Variants in CNTNAP2 observed in about 807,000 individuals in gnomAD.
The protein encoded by CNTNAP2 is contactin-associated protein-like 2.
In CNTNAP2, 98 loss-of-function variants were observed where a neutral mutation model predicts 155.2. The ratio of observed to expected loss-of-function variants is 0.63; its 90% CI spans 0.54 to 0.75. CNTNAP2 has a LOEUF of 0.75. Among genes scored for constraint, CNTNAP2 ranks in the 30% least tolerant of loss-of-function variants. The pLI is 0.00. For synonymous variants in CNTNAP2, 651 were observed against 631.2 expected (o/e 1.03, Z -0.47); for missense variants, 1,727 against 1,688.1 (o/e 1.02, Z -0.40).
chr7:147,406,877 A>G (rs1797013282), intron 10 of CNTNAP2, among the ~76,000 whole-genome samples: 1 of 152,212 alleles, frequency 6.6e-6, no homozygotes, highest in Admixed American at 6.5e-5. Flanking sequence ...TACAATTGTG[A>G]TCAGGGTAAA....
chr7:147,280,702 A>G (rs1252976316), intron 8 of CNTNAP2, among the ~76,000 whole-genome samples: 1 of 151,920 alleles, frequency 6.6e-6, no homozygotes, highest in Non-Finnish European at 1.5e-5. Context: ...TTATATTCAC[A>G]TTAACCTTAC....
chr7:148,317,998 C>G (rs191269108), intron 21 of CNTNAP2, among the ~76,000 whole-genome samples: 280 of 152,326 alleles, frequency 1.8e-3, no homozygotes, highest in Non-Finnish European at 3.4e-3. Flanking sequence ...GAGCTCATTT[C>G]TAAATCCATC....
chr7:146,366,573 C>G (rs1795159245), intron 1 of CNTNAP2, among the ~76,000 whole-genome samples: 1 of 151,924 alleles, frequency 6.6e-6, no homozygotes, highest in Non-Finnish European at 1.5e-5. Context: ...ATGATGGGCC[C>G]AAGAAGACCA....
At chr7:146,430,864 C>A (rs760746729) in intron 1 of CNTNAP2, among the ~76,000 whole-genome samples, 6 of 151,914 alleles carry the variant, frequency 3.9e-5, no homozygotes, top group Non-Finnish European at 5.9e-5. Flanking sequence ...TGAAATAATA[C>A]AGTTCAATTA....
At chr7:148,049,507 TA>T (rs142449697) in intron 15 of CNTNAP2, among the ~76,000 whole-genome samples, 1,707 of 152,230 alleles carry the variant, frequency 0.011, 36 homozygotes, top group African/African-American at 0.039. Flanking sequence ...TTAAAACTAG[TA>T]AAGTGAATGT....
At chr7:147,258,807 C>G (rs1804389689) in intron 8 of CNTNAP2, among the ~76,000 whole-genome samples, 1 of 152,190 alleles carries the variant, frequency 6.6e-6, no homozygotes, top group Non-Finnish European at 1.5e-5. Flanking sequence ...TAGACTAACC[C>G]ATGCTGTCTT....
intron 1 of CNTNAP2, among the ~76,000 whole-genome samples, chr7:146,300,212 A>G (rs1459461161): frequency 6.6e-6 from 1 of 152,208 alleles, no homozygotes; most frequent in Non-Finnish European, 1.5e-5. Flanking sequence ...AGAGTATAAA[A>G]TAATAAGAAT....
intron 20 of CNTNAP2, among the ~76,000 whole-genome samples, chr7:148,265,217 G>T (rs1796647023): frequency 6.6e-6 from 1 of 152,206 alleles, no homozygotes; most frequent in African/African-American, 2.4e-5. Context: ...TTGCTCCAAA[G>T]AAACATATAT....
At chr7:148,280,416 A>G (rs1257956819) in intron 21 of CNTNAP2, among the ~76,000 whole-genome samples, 1 of 152,244 alleles carries the variant, frequency 6.6e-6, no homozygotes. Flanking sequence ...ATTGTGCAGA[A>G]TCACATTTGC....
intron 22 of CNTNAP2, among the ~76,000 whole-genome samples, chr7:148,388,339 C>T (rs1799265391): frequency 7.0e-6 from 1 of 143,234 alleles, no homozygotes; most frequent in South Asian, 2.3e-4. Context: ...GTTCCCCTTC[C>T]TGTGTCCATG....
At chr7:146,427,581 C>T (rs557079841) in intron 1 of CNTNAP2, among the ~76,000 whole-genome samples, 2 of 152,266 alleles carry the variant, frequency 1.3e-5, no homozygotes, top group South Asian at 4.1e-4. Flanking sequence ...AAGAGCCATA[C>T]TGTGTTGATC....
At chr7:148,328,240 G>A (rs1446095553) in intron 21 of CNTNAP2, among the ~76,000 whole-genome samples, 1 of 152,180 alleles carries the variant, frequency 6.6e-6, no homozygotes, top group Admixed American at 6.5e-5. Context: ...GGGAAGGCTG[G>A]GGTGTGCCGG....
chr7:147,893,474 T>A (rs915985053), intron 13 of CNTNAP2, among the ~76,000 whole-genome samples: 1 of 152,202 alleles, frequency 6.6e-6, no homozygotes, highest in East Asian at 1.9e-4. Flanking sequence ...TGTTTCTTTA[T>A]AGATGTTCCC....
chr7:146,675,443 G>T (rs1486395695), intron 1 of CNTNAP2, among the ~76,000 whole-genome samples: 4 of 152,136 alleles, frequency 2.6e-5, no homozygotes, highest in Non-Finnish European at 4.4e-5. Context: ...CAAGTGACTT[G>T]CTCTATGACC....
chr7:146,932,855 A>AAAT (rs1796808619), intron 3 of CNTNAP2, among the ~76,000 whole-genome samples: 1 of 152,104 alleles, frequency 6.6e-6, no homozygotes, highest in Admixed American at 6.5e-5. Context: ...AAAGAAAAAA[A>AAAT]AATACCTAGG....
In CNTNAP2 at chr7:147,330,394, TA is replaced by T. The variant is rs1316875000; in HGVS notation, c.1498+30107del. Among the ~76,000 whole-genome samples, 3 of 152,262 alleles carry T rather than the reference TA, an allele frequency of 2.0e-5. No individual in the cohort carries two copies. The East Asian group carries it at 5.8e-4, about 29-fold the overall frequency. ...GTTGTGATAAACCACTAGATACAAATAAAGTACCATCTTGAGTTCCCTGAGA... is the reference window on the plus strand; with the variant it reads ...GTTGTGATAAACCACTAGATACAAATAAGTACCATCTTGAGTTCCCTGAGA... On this transcript the variant is annotated intron_variant, in intron 9 of 23. Coordinates refer to ENST00000361727, the MANE Select transcript of CNTNAP2 (RefSeq NM_014141.6).
rs989086711 is a variant in CNTNAP2, at chr7:147,569,888, CAG to C, written c.1897+7635_1897+7636del. Among the ~76,000 whole-genome samples the C allele has an allele frequency of 2.0e-4, 30 of 152,318 alleles. No homozygotes were observed. The East Asian group carries it at 5.6e-3, about 28-fold the overall frequency. On this transcript the variant is annotated intron_variant, in intron 12 of 23. Transcript: ENST00000361727. ...GTGTCACCCAGGGCTTGGGTTTTAC[CAG>C]AGACTTGGGATCTTCTTGGAAGTTT...
At chr7:146,808,242 C>A (rs1803003062) in intron 2 of CNTNAP2, among the ~76,000 whole-genome samples, 1 of 152,126 alleles carries the variant, frequency 6.6e-6, no homozygotes, top group African/African-American at 2.4e-5. Context: ...ACCCCAAAGA[C>A]AATAGCATTA....
At chr7:148,217,559 C>T (rs1345010977) in intron 19 of CNTNAP2, 35 bp downstream of exon 19, 8 of 1,590,658 alleles carry the variant, frequency 5.0e-6, no homozygotes, top group East Asian at 2.2e-5. Flanking sequence ...TGCCATTTAA[C>T]ATTTGGGCAG....
Sources: gnomAD v4.1 joint callset for allele counts (sites outside exome capture counted in the v4.1 genomes callset) on GRCh38, gnomAD v4.1.1 for gene constraint, MANE v1.5 for transcripts, NCBI Gene and HGNC (gene_info 2026-07-23, HGNC 2026-07-21) for gene names.